Variants in LIMS1 observed in about 807,000 individuals in gnomAD.
LIMS1 encodes the protein LIM zinc finger domain containing 1.
In LIMS1, 18 loss-of-function variants were observed where a neutral mutation model predicts 44.1. The ratio of observed to expected loss-of-function variants is 0.41; its 90% CI spans 0.28 to 0.61. The LOEUF (loss-of-function observed/expected upper bound fraction) is 0.61, where lower values mean the gene tolerates loss of function less well. Among genes scored for constraint, LIMS1 ranks in the 20% least tolerant of loss-of-function variants. The pLI, the probability that LIMS1 is intolerant of heterozygous loss-of-function variation, is 0.32. For missense variants in LIMS1, 201 were observed against 422.0 expected, an observed-to-expected ratio of 0.48 and a Z score of 4.59; for synonymous variants, 93 against 149.1, an observed-to-expected ratio of 0.62 and a Z score of 2.74.
At chr2:108,620,910 C>T (rs959096597) in intron 1 of LIMS1, among the ~76,000 whole-genome samples, 7 of 152,060 alleles carry the variant, frequency 4.6e-5, no homozygotes, top group Non-Finnish European at 8.8e-5. Context: ...GTTCTTTAAA[C>T]TGACAACTGC....
chr2:108,626,727 T>G (rs1688597135), intron 1 of LIMS1, among the ~76,000 whole-genome samples: 1 of 152,224 alleles, frequency 6.6e-6, no homozygotes, highest in South Asian at 2.1e-4. Flanking sequence ...AAGTCTTAAT[T>G]ATTAACTTTT....
At chr2:108,537,538 C>A (rs1188264119) in intron 1 of LIMS1, among the ~76,000 whole-genome samples, 1 of 152,202 alleles carries the variant, frequency 6.6e-6, no homozygotes, top group Non-Finnish European at 1.5e-5. Context: ...GGGACAATGC[C>A]ATGGGCCTAA....
chr2:108,556,726 C>A (rs1684936804), intron 1 of LIMS1, among the ~76,000 whole-genome samples: 1 of 152,152 alleles, frequency 6.6e-6, no homozygotes, highest in Non-Finnish European at 1.5e-5. Context: ...CTCATGAATG[C>A]AGAATGTTAG....
intron 1 of LIMS1, among the ~76,000 whole-genome samples, chr2:108,563,344 A>C (rs771576410): frequency 6.6e-6 from 1 of 152,248 alleles, no homozygotes; most frequent in Non-Finnish European, 1.5e-5. Context: ...AGTAAAATGA[A>C]AACCTTCTGA....
intron 1 of LIMS1, among the ~76,000 whole-genome samples, chr2:108,611,514 G>T (rs1687600623): frequency 6.6e-6 from 1 of 152,024 alleles, no homozygotes; most frequent in Admixed American, 6.6e-5. Flanking sequence ...ACATTTTGAG[G>T]TATTTCACTT....
chr2:108,630,111 T>A (rs1401902911), intron 1 of LIMS1, among the ~76,000 whole-genome samples: 1 of 150,590 alleles, frequency 6.6e-6, no homozygotes. Flanking sequence ...GGAGGATTGC[T>A]TGAGCCTGGG....
intron 1 of LIMS1, among the ~76,000 whole-genome samples, chr2:108,631,970 T>C (rs1273496200): frequency 6.6e-6 from 1 of 152,146 alleles, no homozygotes; most frequent in African/African-American, 2.4e-5. Flanking sequence ...ATAGGTACTT[T>C]CGTGTTTGTT....
In LIMS1 at chr2:108,655,170, C is replaced by T. The variant is rs200969347; in HGVS notation, c.33-4435C>T. 2.0e-5 allele frequency: 30 copies of T among 1,517,420 alleles called. No individual in the cohort carries two copies. The East Asian group carries it at 3.7e-4, about 19-fold the overall frequency. The allele number at this position is 1,517,420 out of a possible 1,614,324, so 94.0% of individuals were successfully genotyped here. A position where few individuals can be genotyped will look rare whatever the true frequency, so the allele number is the denominator to read the frequency against. Reference sequence around the variant, plus strand: ...ACACTGTCCACGAGGCCAATGGGACCGAGGACGAGAGGGCTGTTTCCAAAC... The same window carrying T: ...ACACTGTCCACGAGGCCAATGGGACTGAGGACGAGAGGGCTGTTTCCAAAC... On this transcript the variant is annotated intron_variant, in intron 1 of 9. Coordinates refer to ENST00000544547, the Ensembl canonical transcript of LIMS1.
intron 1 of LIMS1, among the ~76,000 whole-genome samples, chr2:108,562,381 T>TG (rs1685153935): frequency 6.6e-6 from 1 of 152,226 alleles, no homozygotes; most frequent in Non-Finnish European, 1.5e-5. Flanking sequence ...CTAAGCCTCT[T>TG]GCACCAGTTA....
intron 1 of LIMS1, among the ~76,000 whole-genome samples, chr2:108,563,446 T>C (rs1018987427): frequency 1.3e-5 from 2 of 152,196 alleles, no homozygotes; most frequent in African/African-American, 4.8e-5. Context: ...TGGAAGAAGT[T>C]GATTCCAGCC....
At chr2:108,643,559 G>A (rs774370424) in intron 1 of LIMS1, among the ~76,000 whole-genome samples, 14 of 152,074 alleles carry the variant, frequency 9.2e-5, no homozygotes, top group East Asian at 1.9e-4. Flanking sequence ...AAAACTGGGC[G>A]GCCTTTAGGG....
chr2:108,566,162 T>G (rs1469810922), intron 1 of LIMS1, among the ~76,000 whole-genome samples: 1 of 152,220 alleles, frequency 6.6e-6, no homozygotes, highest in East Asian at 1.9e-4. Flanking sequence ...GCCACTTCTC[T>G]GCTTTGCTTT....
chr2:108,635,177 C>T (rs1252450671), intron 1 of LIMS1, among the ~76,000 whole-genome samples: 2 of 152,028 alleles, frequency 1.3e-5, no homozygotes, highest in Non-Finnish European at 2.9e-5. Context: ...ACGCCTGTAA[C>T]CCCAGCACTT....
chr2:108,647,007 C>T (rs1191450053), intron 1 of LIMS1, among the ~76,000 whole-genome samples: 1 of 151,994 alleles, frequency 6.6e-6, no homozygotes, highest in African/African-American at 2.4e-5. Context: ...AGGCATGAGT[C>T]ACCGCGCCCG....
At chr2:108,552,954 G>A (rs573845557) in intron 1 of LIMS1, among the ~76,000 whole-genome samples, 19 of 152,044 alleles carry the variant, frequency 1.2e-4, no homozygotes, top group Admixed American at 3.3e-4. Context: ...GAAAATGAAG[G>A]ATATTAATCT....
At position 108,605,902 on chromosome 2, in the gene LIMS1, C is replaced by G. The variant is rs574861051; in HGVS notation, c.33-53703C>G. ...TCTGGATGTGTATGTAAAGAAAGGA[C>G]ATGACCATCTGAAAGGCCCGGTGAG... On this transcript the variant is annotated intron_variant, in intron 1 of 9. Transcript: ENST00000544547. Among the ~76,000 whole-genome samples, 5 of 152,312 alleles carry G rather than the reference C, an allele frequency of 3.3e-5. No individual in the cohort carries two copies. The East Asian group carries it at 9.6e-4, about 29-fold the overall frequency.
At chr2:108,652,332 C>CA (rs1458959097) in intron 1 of LIMS1, among the ~76,000 whole-genome samples, 1 of 152,286 alleles carries the variant, frequency 6.6e-6, no homozygotes, top group African/African-American at 2.4e-5. Flanking sequence ...ACAAACTATG[C>CA]ATCCATGTCA....
chr2:108,673,308 C>CT (rs1202650493), intron 5 of LIMS1: 4 of 512,460 alleles, frequency 7.8e-6, no homozygotes, highest in African/African-American at 7.8e-5. Context: ...ACGCATACCT[C>CT]TAAAATTTCT....
intron 2 of LIMS1, among the ~76,000 whole-genome samples, chr2:108,670,510 C>T (rs1692094415): frequency 6.6e-6 from 1 of 152,064 alleles, no homozygotes; most frequent in Admixed American, 6.6e-5. Context: ...AGCCAGAAAA[C>T]AATTCAGCAC....
Sources: allele counts gnomAD v4.1 joint callset (sites outside exome capture counted in the v4.1 genomes callset), GRCh38; gene constraint gnomAD v4.1.1; transcripts MANE v1.5; gene names NCBI Gene and HGNC (gene_info 2026-07-23, HGNC 2026-07-21).